Variants in SEMA4D observed in about 807,000 individuals in gnomAD.
SEMA4D encodes semaphorin 4D, also known as semaphorin-4D.
Under a neutral mutation model 74.8 loss-of-function variants are expected in SEMA4D, and 22 were observed. The ratio of observed to expected loss-of-function variants is 0.29; its 90% confidence interval spans 0.21 to 0.42. The LOEUF is 0.42. Ranked by LOEUF, SEMA4D falls within the 10% of genes least tolerant of loss-of-function variation. The pLI is 1.00. For missense variants in SEMA4D, 937 were observed against 1,118.4 expected (o/e 0.84, Z 2.31); for synonymous variants, 445 against 463.7 (o/e 0.96, Z 0.52).
intron 2 of SEMA4D, among the ~76,000 whole-genome samples, chr9:89,408,734 A>G (rs542164868): frequency 1.6e-4 from 25 of 152,360 alleles, no homozygotes; most frequent in African/African-American, 6.0e-4. Context: ...GCATGCAGCA[A>G]GGACACCAGT....
At chr9:89,373,491 T>TG (rs777463871), downstream of SEMA4D, among the ~76,000 whole-genome samples, 5 of 152,218 alleles carry the variant, frequency 3.3e-5, no homozygotes, top group South Asian at 1.0e-3. Context: ...CAGCCCTCTC[T>TG]GGGGGGTGAG....
chr9:89,494,691 A>G (rs1309595629), intron 1 of SEMA4D, among the ~76,000 whole-genome samples: 1 of 152,198 alleles, frequency 6.6e-6, no homozygotes, highest in Non-Finnish European at 1.5e-5. Flanking sequence ...TTCAAAGTGC[A>G]TGCAAGTAGG....
chr9:89,423,346 CAT>C (rs930153132), intron 2 of SEMA4D, among the ~76,000 whole-genome samples: 6 of 152,236 alleles, frequency 3.9e-5, no homozygotes, highest in African/African-American at 1.2e-4. Flanking sequence ...CATGTGCCAC[CAT>C]GCCTGGCTAA....
At chr9:89,410,870 T>A (rs767522526) in intron 2 of SEMA4D, among the ~76,000 whole-genome samples, 7 of 152,204 alleles carry the variant, frequency 4.6e-5, no homozygotes, top group Non-Finnish European at 1.5e-5. Flanking sequence ...CGCCTTTGAA[T>A]CCCAGGGAAG....
intron 2 of SEMA4D, among the ~76,000 whole-genome samples, chr9:89,407,810 C>T (rs566878281): frequency 4.6e-5 from 7 of 152,326 alleles, no homozygotes; most frequent in Admixed American, 1.3e-4. Context: ...GGCTGTGTAA[C>T]GGCTGTCTCT....
At chr9:89,404,639 A>G (rs1392746548) in intron 3 of SEMA4D, among the ~76,000 whole-genome samples, 1 of 135,090 alleles carries the variant, frequency 7.4e-6, no homozygotes, top group Non-Finnish European at 1.6e-5. Flanking sequence ...TGGAGTCCCC[A>G]TCCCGACCTC....
intron 16 of SEMA4D, chr9:89,367,091 T>C (rs1564486636): frequency 6.6e-6 from 1 of 152,612 alleles, no homozygotes; most frequent in Non-Finnish European, 1.5e-5. Flanking sequence ...TTGATCATCA[T>C]AAGACATTAA....
chr9:89,394,436 G>C (rs528454846), intron 6 of SEMA4D, among the ~76,000 whole-genome samples: 1 of 152,234 alleles, frequency 6.6e-6, no homozygotes, highest in Non-Finnish European at 1.5e-5. Context: ...GGGCATCCAG[G>C]AGAAAAACAG....
At chr9:89,435,115 G>A (rs911379015) in intron 2 of SEMA4D, among the ~76,000 whole-genome samples, 6 of 152,146 alleles carry the variant, frequency 3.9e-5, no homozygotes, top group East Asian at 1.9e-4. Context: ...CGGCCAAGGC[G>A]GGGAGTGCAC....
In SEMA4D at chr9:89,484,444, T is replaced by C. The variant is rs138299570; in HGVS notation, c.-310+13475A>G. On this transcript the variant is annotated intron_variant, in intron 1 of 15. Coordinates refer to ENST00000422704, the MANE Select transcript of SEMA4D (RefSeq NM_001371194.2). This position sits in a 1 kb window ranked among gnomAD's most constrained non-coding sequence, Gnocchi z 4.1. ...GTGTGGTGTGTATGTGTACAGTGTG[T>C]GTTGTGTGTGTTTTGTGTGTGTGTG... is the stretch of plus-strand genomic sequence containing the variant. Among the ~76,000 whole-genome samples the C allele has an allele frequency of 8.9e-3, 1,334 of 150,536 alleles. 12 individuals are homozygous for C. Among genetic ancestry groups the C allele is most frequent in the Non-Finnish European group, 0.016 (1,062 of 67,520 alleles).
intron 13 of SEMA4D, chr9:89,385,866 G>GGGGGGCCCCCCCCCCCC: frequency 5.1e-6 from 1 of 196,226 alleles, no homozygotes; most frequent in Non-Finnish European, 9.0e-6. Context: ...CAGCGTGGAT[G>GGGGGGCCCCCCCCCCCC]CCCGCCCACC....
intron 16 of SEMA4D, among the ~76,000 whole-genome samples, chr9:89,371,344 GGT>G (rs1327826492): frequency 1.5e-5 from 2 of 134,658 alleles, no homozygotes; most frequent in Non-Finnish European, 3.2e-5. Flanking sequence ...TCTGGAGTGT[GGT>G]GTGTGTTGGG....
intron 16 of SEMA4D, among the ~76,000 whole-genome samples, chr9:89,371,814 GT>G (rs1311123366): frequency 1.4e-5 from 1 of 74,050 alleles, no homozygotes; most frequent in Admixed American, 1.4e-4. Flanking sequence ...TGTGGGGGGT[GT>G]GTGTGTCTGG....
chr9:89,364,995 C>T (rs1833390753), intron 16 of SEMA4D: 1 of 152,290 alleles, frequency 6.6e-6, no homozygotes, highest in African/African-American at 2.4e-5. Context: ...AGGTCACCTC[C>T]CGGCCTTCCT....
At chr9:89,476,378 A>G (rs1052180257) in intron 1 of SEMA4D, among the ~76,000 whole-genome samples, 1 of 152,210 alleles carries the variant, frequency 6.6e-6, no homozygotes, top group Non-Finnish European at 1.5e-5. Context: ...CAGTACCCAG[A>G]TATCTGGCCA....
intron 2 of SEMA4D, among the ~76,000 whole-genome samples, chr9:89,452,727 A>G (rs1000931448): frequency 1.3e-5 from 2 of 152,246 alleles, no homozygotes; most frequent in African/African-American, 4.8e-5. Context: ...TGCTGGGATT[A>G]TATGCGTGAG....
At chr9:89,391,859 C>G (rs1350451256) in intron 8 of SEMA4D, among the ~76,000 whole-genome samples, 1 of 152,276 alleles carries the variant, frequency 6.6e-6, no homozygotes, top group African/African-American at 2.4e-5. Context: ...GTCCCTGAAT[C>G]TGGGGTCTTG....
In SEMA4D at chr9:89,378,626, A is replaced by G; in HGVS notation, c.*78T>C. The G allele has an allele frequency of 1.8e-6, 2 of 1,111,520 alleles. No individual in the cohort carries two copies. Among genetic ancestry groups the G allele is most frequent in the Middle Eastern group, 2.4e-4 (1 of 4,244 alleles). The allele number at this position is 1,111,520 out of a possible 1,614,324, so 68.9% of individuals were successfully genotyped here. On this transcript the variant is annotated 3_prime_UTR_variant, in exon 16 of 16. Coordinates refer to ENST00000422704, the MANE Select transcript of SEMA4D (RefSeq NM_001371194.2). ...ACGCAGCACTGCACGAGACTCGGAT[A>G]CTGAACAGGAGAAACACAAAACTCT...
At chr9:89,447,549 T>C (rs187120893) in intron 2 of SEMA4D, among the ~76,000 whole-genome samples, 10 of 152,074 alleles carry the variant, frequency 6.6e-5, no homozygotes, top group Non-Finnish European at 1.5e-4. Context: ...GCAAGTCCTC[T>C]GGGTCCACCT....
Sources: allele counts gnomAD v4.1 joint callset (sites outside exome capture counted in the v4.1 genomes callset), GRCh38; gene constraint gnomAD v4.1.1; non-coding constraint Gnocchi (gnomAD v3.1); transcripts MANE v1.5; gene names NCBI Gene and HGNC (gene_info 2026-07-23, HGNC 2026-07-21).